Variants in SAMD12 observed in about 807,000 individuals in gnomAD.
SAMD12 encodes the protein sterile alpha motif domain containing 12, also known as sterile alpha motif domain-containing protein 12.
SAMD12 carries 9 observed loss-of-function variants against 15.0 expected under a neutral mutation model. The observed-to-expected ratio is 0.60, with a 90% CI of 0.36 to 1.05. The LOEUF (loss-of-function observed/expected upper bound fraction) is 1.05. Among genes scored for constraint, SAMD12 ranks in the 50% least tolerant of loss-of-function variants. SAMD12 has a pLI of 0.01. For synonymous variants in SAMD12, 86 were observed against 90.1 expected (o/e 0.96, Z 0.25); for missense variants, 230 against 234.2 (o/e 0.98, Z 0.12).
intron 2 of SAMD12, among the ~76,000 whole-genome samples, chr8:118,526,522 C>G (rs929092727): frequency 6.6e-6 from 1 of 151,870 alleles, no homozygotes; most frequent in African/African-American, 2.4e-5. Flanking sequence ...ATTCACTGAC[C>G]AAGTTTAGCA....
intron 2 of SAMD12, among the ~76,000 whole-genome samples, chr8:118,445,519 G>A (rs373178850): frequency 2.6e-5 from 4 of 152,098 alleles, no homozygotes; most frequent in African/African-American, 9.7e-5. Flanking sequence ...CTCATGGCCA[G>A]AAAGTTAACA....
the SAMD12 span, among the ~76,000 whole-genome samples, chr8:118,138,447 G>A: frequency 6.6e-6 from 1 of 152,180 alleles, no homozygotes; most frequent in South Asian, 2.1e-4. Flanking sequence ...CCCTTATAAA[G>A]GAGGCTCGGG....
intron 3 of SAMD12, among the ~76,000 whole-genome samples, chr8:118,393,793 T>C (rs1820414404): frequency 1.3e-5 from 2 of 151,828 alleles, no homozygotes; most frequent in African/African-American, 2.4e-5. Flanking sequence ...GTAGAGATGG[T>C]GTTTCACCAT....
chr8:118,564,214 G>A (rs1402528443), intron 2 of SAMD12, among the ~76,000 whole-genome samples: 5 of 110,226 alleles, frequency 4.5e-5, no homozygotes, highest in Non-Finnish European at 8.9e-5. Context: ...CCTGCCCGCC[G>A]ACTCCTCAAC....
chr8:118,266,814 T>C (rs982949431), intron 4 of SAMD12, among the ~76,000 whole-genome samples: 1 of 151,980 alleles, frequency 6.6e-6, no homozygotes. Context: ...AGTAAAAAGG[T>C]AACAGTTACC....
chr8:118,565,131 C>A (rs1426985379), intron 2 of SAMD12, among the ~76,000 whole-genome samples: 2 of 152,108 alleles, frequency 1.3e-5, no homozygotes, highest in African/African-American at 2.4e-5. Context: ...AGCAAATATA[C>A]CCTCATATTC....
At chr8:118,320,655 C>T (rs1586517973) in intron 4 of SAMD12, among the ~76,000 whole-genome samples, 2 of 46,838 alleles carry the variant, frequency 4.3e-5, no homozygotes, top group African/African-American at 2.2e-4. Context: ...CATCACACAC[C>T]GGGGCCTGTC....
At chr8:118,317,924 A>G (rs539025784) in intron 4 of SAMD12, among the ~76,000 whole-genome samples, 1 of 152,296 alleles carries the variant, frequency 6.6e-6, no homozygotes, top group Admixed American at 6.5e-5. Flanking sequence ...AAGATGTACC[A>G]ATGGACAACA....
chr8:118,591,971 T>TA (rs1179605952), intron 1 of SAMD12, among the ~76,000 whole-genome samples: 4 of 151,908 alleles, frequency 2.6e-5, no homozygotes, highest in East Asian at 3.9e-4. Flanking sequence ...TGATACCTAT[T>TA]AAAAAAAGGG....
chr8:118,272,106 C>T (rs1813368836), intron 4 of SAMD12, among the ~76,000 whole-genome samples: 1 of 152,192 alleles, frequency 6.6e-6, no homozygotes, highest in African/African-American at 2.4e-5. Context: ...GGTCTCTGCC[C>T]GTGGAGCAAA....
At chr8:118,309,031 G>A (rs191138993) in intron 4 of SAMD12, among the ~76,000 whole-genome samples, 1 of 152,188 alleles carries the variant, frequency 6.6e-6, no homozygotes, top group East Asian at 1.9e-4. Flanking sequence ...GGAACAGGTG[G>A]TGTTTGTTTA....
chr8:118,605,165 A>G (rs1827956646), intron 1 of SAMD12, among the ~76,000 whole-genome samples: 1 of 152,132 alleles, frequency 6.6e-6, no homozygotes. Flanking sequence ...AGCCTTGACA[A>G]CGACCATCAA....
At chr8:118,493,565 G>A (rs566885454) in intron 2 of SAMD12, among the ~76,000 whole-genome samples, 57 of 152,270 alleles carry the variant, frequency 3.7e-4, no homozygotes, top group Non-Finnish European at 7.2e-4. Flanking sequence ...GAGCAATAAG[G>A]ACTTTGCAAA....
In SAMD12 at chr8:118,381,325, G is replaced by A. The variant is rs188524490; in HGVS notation, c.323-1625C>T. On this transcript the variant is annotated intron_variant, in intron 3 of 3. Transcript: ENST00000314727. ...GCTTGGAAACACCAGGCAGATTCTGGTGGTCATGAGAAAAGGAAGGAAAGG... is the reference window on the plus strand; with the variant it reads ...GCTTGGAAACACCAGGCAGATTCTGATGGTCATGAGAAAAGGAAGGAAAGG... Among the ~76,000 whole-genome samples the A allele has an allele frequency of 5.5e-4, 83 of 152,244 alleles. 1 individual carries two copies. The highest frequency in any genetic ancestry group is 7.1e-4 in the Non-Finnish European group (48 of 68,008).
At chr8:118,531,436 T>C (rs1041497238) in intron 2 of SAMD12, among the ~76,000 whole-genome samples, 1 of 152,196 alleles carries the variant, frequency 6.6e-6, no homozygotes, top group Non-Finnish European at 1.5e-5. Flanking sequence ...CATATGAACT[T>C]TACAGTAGTT....
intron 1 of SAMD12, among the ~76,000 whole-genome samples, chr8:118,589,690 G>A (rs1827532682): frequency 6.6e-6 from 1 of 152,182 alleles, no homozygotes; most frequent in Non-Finnish European, 1.5e-5. Context: ...AGATTGATAA[G>A]TGGTCTACAC....
chr8:118,132,968 GTGTGTATATATATATATA>G, the SAMD12 span, among the ~76,000 whole-genome samples: 1 of 55,878 alleles, frequency 1.8e-5, no homozygotes, highest in Non-Finnish European at 3.2e-5. Flanking sequence ...ATATGTGTGT[GTGTGTATATATATATATA>G]TATATATATA....
intron 2 of SAMD12, among the ~76,000 whole-genome samples, chr8:118,515,769 C>T (rs550435978): frequency 3.2e-4 from 49 of 152,266 alleles, no homozygotes; most frequent in South Asian, 6.2e-4. Flanking sequence ...CACTCTTGCG[C>T]GGCATCACCA....
intron 4 of SAMD12, among the ~76,000 whole-genome samples, chr8:118,368,418 C>A (rs1208893619): frequency 2.0e-5 from 3 of 152,120 alleles, no homozygotes; most frequent in Non-Finnish European, 4.4e-5. Flanking sequence ...GTTCACTTAA[C>A]AATCACTGGA....
Sources: allele counts gnomAD v4.1 joint callset (sites outside exome capture counted in the v4.1 genomes callset), GRCh38; gene constraint gnomAD v4.1.1; transcripts MANE v1.5; gene names NCBI Gene and HGNC (gene_info 2026-07-23, HGNC 2026-07-21).